Variants in NEK1 observed in about 807,000 individuals in gnomAD.
NEK1 encodes the protein NIMA related kinase 1.
Under a neutral mutation model 182.1 loss-of-function variants are expected in NEK1, and 137 were observed. That is an observed-to-expected ratio of 0.75 (90% CI 0.65 to 0.87). The LOEUF is 0.87. Ranked by LOEUF, NEK1 falls within the 40% of genes least tolerant of loss-of-function variation. NEK1 has a pLI of 0.00. For missense variants in NEK1, 1,391 were observed against 1,494.4 expected (o/e 0.93, Z 1.14); for synonymous variants, 513 against 492.2 (o/e 1.04, Z -0.56).
intron 28 of NEK1, among the ~76,000 whole-genome samples, chr4:169,435,504 T>C (rs777041830): frequency 1.3e-5 from 2 of 152,208 alleles, no homozygotes; most frequent in Non-Finnish European, 2.9e-5. Flanking sequence ...GCAGGGTTTC[T>C]GGTTTTCCTC....
intron 28 of NEK1, among the ~76,000 whole-genome samples, chr4:169,435,271 T>C (rs1361488453): frequency 1.3e-5 from 2 of 152,160 alleles, no homozygotes; most frequent in African/African-American, 4.8e-5. Flanking sequence ...CCTATTCTTA[T>C]AAGGGCACCA....
At chr4:169,399,075 C>A (rs1731194736) in intron 35 of NEK1, among the ~76,000 whole-genome samples, 1 of 150,704 alleles carries the variant, frequency 6.6e-6, no homozygotes, top group African/African-American at 2.5e-5. Flanking sequence ...ATGGTGAGAC[C>A]CCATCTCTAC....
intron 5 of NEK1, among the ~76,000 whole-genome samples, chr4:169,593,771 G>A (rs531597824): frequency 3.9e-5 from 6 of 152,178 alleles, no homozygotes; most frequent in African/African-American, 7.2e-5. Context: ...GGCAGATCAC[G>A]AGGTCAGGAG....
chr4:169,417,017 T>C (rs959048256), intron 31 of NEK1, among the ~76,000 whole-genome samples: 4 of 152,248 alleles, frequency 2.6e-5, no homozygotes, highest in Non-Finnish European at 5.9e-5. Context: ...GTATGTGCTA[T>C]AGTAGCATGT....
intron 27 of NEK1, among the ~76,000 whole-genome samples, chr4:169,460,885 T>C (rs1312415413): frequency 2.6e-5 from 4 of 152,144 alleles, no homozygotes; most frequent in African/African-American, 4.8e-5. Flanking sequence ...CAAACTGTTA[T>C]GAAAATGGAA....
chr4:169,477,536 AT>A, intron 24 of NEK1, 39 bp from the exon 25 acceptor site: 1 of 1,419,056 alleles, frequency 7.0e-7, no homozygotes, highest in South Asian at 1.4e-5. Flanking sequence ...AGATAATTTT[AT>A]TTTTTTAAAT....
At chr4:169,481,565 C>T (rs11733461) in intron 23 of NEK1, among the ~76,000 whole-genome samples, 1 of 151,902 alleles carries the variant, frequency 6.6e-6, no homozygotes, top group African/African-American at 2.4e-5. Context: ...AACTAGGTGC[C>T]TTGTCAATGA....
chr4:169,482,317 T>C (rs1283621154), intron 23 of NEK1, among the ~76,000 whole-genome samples: 1 of 152,148 alleles, frequency 6.6e-6, no homozygotes, highest in Admixed American at 6.5e-5. Context: ...AGATGGGGTC[T>C]TGCTCTGTCA....
In NEK1 at chr4:169,560,785, C is replaced by CTT. The variant is rs559468393; in HGVS notation, c.1266+693_1266+694dup. Among the ~76,000 whole-genome samples, 540 of 143,328 alleles carry CTT rather than the reference C, an allele frequency of 3.8e-3. 2 individuals are homozygous for CTT. The highest frequency in any genetic ancestry group is 0.023 in the South Asian group (103 of 4,474). 94.0% of individuals were successfully genotyped at this position (143,328 alleles called of 152,430 possible). ...CCAGGCACTGTTCTTGGAAAAAAAA[C>CTT]TTTTTTTTTTTTTTAAATCAAGAAA... On this transcript the variant is annotated intron_variant, in intron 16 of 35. Coordinates refer to ENST00000507142, the MANE Select transcript of NEK1 (RefSeq NM_001199397.3).
chr4:169,438,279 A>G lies in NEK1; in HGVS notation c.2588-20T>C. The G allele has an allele frequency of 6.6e-7, 1 of 1,514,072 alleles. No homozygotes were observed. The highest frequency in any genetic ancestry group is 8.9e-7 in the Non-Finnish European group (1 of 1,126,884). The allele number at this position is 1,514,072 out of a possible 1,614,324, so 93.8% of individuals were successfully genotyped here. A position where few individuals can be genotyped will look rare whatever the true frequency, so the allele number is the denominator to read the frequency against. ...AAATCTCTGTGAAAACAAAAAATAAAAAATCATGCTAGTTCTCAAAATGAT... is the reference window on the plus strand; with the variant it reads ...AAATCTCTGTGAAAACAAAAAATAAGAAATCATGCTAGTTCTCAAAATGAT... On this transcript the variant is annotated intron_variant, in intron 27 of 35. Transcript: ENST00000507142.
intron 18 of NEK1, among the ~76,000 whole-genome samples, chr4:169,543,473 T>C (rs1580626351): frequency 6.6e-6 from 1 of 152,338 alleles, no homozygotes; most frequent in East Asian, 1.9e-4. Flanking sequence ...ATGTGGGCTC[T>C]TTTTTGGTTC....
At chr4:169,533,305 GA>G (rs773974441) in intron 19 of NEK1, among the ~76,000 whole-genome samples, 170 of 152,304 alleles carry the variant, frequency 1.1e-3, no homozygotes, top group Non-Finnish European at 1.4e-3. Context: ...CACTCTCACT[GA>G]AAACTGCAGA....
chr4:169,608,116 TACACACACAC>T (rs57287742), intron 2 of NEK1, among the ~76,000 whole-genome samples: 1 of 147,998 alleles, frequency 6.8e-6, no homozygotes, highest in African/African-American at 2.5e-5. Flanking sequence ...CACACACACA[TACACACACAC>T]ACACACACAC....
chr4:169,432,086 A>T (rs1737554978), intron 29 of NEK1, among the ~76,000 whole-genome samples: 1 of 152,100 alleles, frequency 6.6e-6, no homozygotes, highest in South Asian at 2.1e-4. Flanking sequence ...GGGACCAAAG[A>T]TATAAAGAGA....
chr4:169,398,710 C>A (rs1731132076), intron 35 of NEK1, among the ~76,000 whole-genome samples: 1 of 151,998 alleles, frequency 6.6e-6, no homozygotes, highest in South Asian at 2.1e-4. Context: ...ACTTAATTTT[C>A]TCTCTTACTA....
intron 26 of NEK1, 149 bp downstream of exon 26, chr4:169,476,975 G>A: frequency 1.9e-6 from 1 of 539,708 alleles, no homozygotes; most frequent in South Asian, 3.6e-5. Context: ...GTGAGAGGGA[G>A]GCACTTCTAT....
chr4:169,545,485 A>C (rs1297650258), intron 18 of NEK1, among the ~76,000 whole-genome samples: 14 of 149,324 alleles, frequency 9.4e-5, no homozygotes, highest in African/African-American at 3.5e-4. Context: ...AGTCTTTGCT[A>C]TTGTGAATAA....
intron 23 of NEK1, among the ~76,000 whole-genome samples, chr4:169,506,110 T>G (rs1427231238): frequency 6.7e-6 from 1 of 149,456 alleles, no homozygotes; most frequent in Non-Finnish European, 1.5e-5. Flanking sequence ...AGAATTACCC[T>G]AAAAATGTAT....
intron 8 of NEK1, 141 bp downstream of exon 8, chr4:169,588,508 T>C (rs1272993945): frequency 1.5e-5 from 7 of 473,424 alleles, no homozygotes; most frequent in Non-Finnish European, 2.7e-5. Flanking sequence ...CCCCTCACCA[T>C]ATATTAGCAA....
Sources: allele counts gnomAD v4.1 joint callset (sites outside exome capture counted in the v4.1 genomes callset), GRCh38; gene constraint gnomAD v4.1.1; transcripts MANE v1.5; gene names NCBI Gene and HGNC (gene_info 2026-07-23, HGNC 2026-07-21).